Variants in SLC4A11 observed in about 807,000 individuals in gnomAD.
SLC4A11 encodes the protein bicarbonate transporter related protein 1.
SLC4A11 carries 74 observed loss-of-function variants against 95.0 expected under a neutral mutation model. The ratio of observed to expected loss-of-function variants is 0.78; its 90% CI spans 0.65 to 0.95. The LOEUF is 0.95. Ranked by LOEUF, SLC4A11 falls within the 40% of genes least tolerant of loss-of-function variation. SLC4A11 has a pLI of 0.00. For synonymous variants in SLC4A11, 548 were observed against 519.0 expected, an observed-to-expected ratio of 1.06 and a Z score of -0.76; for missense variants, 1,081 against 1,192.4, an observed-to-expected ratio of 0.91 and a Z score of 1.38.
intron 10 of SLC4A11, 31 bp from the exon 11 acceptor site, chr20:3,230,876 G>A (rs542289084): frequency 2.4e-5 from 38 of 1,612,814 alleles, no homozygotes; most frequent in East Asian, 6.7e-5. Context: ...GGTGGGCGCC[G>A]CAGCCCAGGG....
intron 13 of SLC4A11, 88 bp downstream of exon 13, chr20:3,230,099 G>T: frequency 6.8e-7 from 1 of 1,462,396 alleles, no homozygotes; most frequent in Non-Finnish European, 9.6e-7. Flanking sequence ...GCTTGAGCCA[G>T]TCCTATGTGC....
At position 3,234,656 on chromosome 20, in the gene SLC4A11, T is replaced by C; in HGVS notation, c.242-39A>G. The C allele has an allele frequency of 1.2e-6, 2 of 1,613,770 alleles. No individual in the cohort carries two copies. Among genetic ancestry groups the C allele is most frequent in the South Asian group, 1.1e-5 (1 of 91,084 alleles). ...GCGGGGAGGGCTCAGGGTGCCACCCTCTCCTCAGGTCTTTCTTAGTAAGGC... is the reference window on the plus strand; with the variant it reads ...GCGGGGAGGGCTCAGGGTGCCACCCCCTCCTCAGGTCTTTCTTAGTAAGGC... On this transcript the variant is annotated intron_variant, in intron 3 of 19. Coordinates refer to ENST00000642402, the MANE Select transcript of SLC4A11 (RefSeq NM_001174089.2). This position sits in a 1 kb window ranked among gnomAD's most constrained non-coding sequence, Gnocchi z 5.8.
rs890634264 is a variant in SLC4A11 at position 3,231,937 on chromosome 20, C to T, written c.730-389G>A. ...CCTCCCAAAGTGCTGGGATTACAGG[C>T]ACGAGCCACTGTGCCCAGATGCTGG... On this transcript the variant is annotated intron_variant, in intron 7 of 19. Coordinates refer to ENST00000642402, the MANE Select transcript of SLC4A11 (RefSeq NM_001174089.2). This position sits in a 1 kb window ranked among gnomAD's most constrained non-coding sequence, Gnocchi z 5.2. 6.6e-6 allele frequency among the ~76,000 whole-genome samples: 1 copy of T among 152,220 alleles called. No individual in the cohort carries two copies. Among genetic ancestry groups the T allele is most frequent in the Non-Finnish European group, 1.5e-5 (1 of 68,030 alleles).
At position 3,229,018 on chromosome 20, in the gene SLC4A11, C is replaced by T. The variant is rs1332394361; in HGVS notation, c.2019-7G>A. On this transcript the variant is annotated splice_polypyrimidine_tract_variant and splice_region_variant and intron_variant, in intron 16 of 19. Coordinates refer to ENST00000642402, the MANE Select transcript of SLC4A11 (RefSeq NM_001174089.2). ...GGCAGTGCCCTTCACCAGCCTGCAGCAGACGGGCACTCGTGGACAGAGCCC... is the reference window on the plus strand; with the variant it reads ...GGCAGTGCCCTTCACCAGCCTGCAGTAGACGGGCACTCGTGGACAGAGCCC... 1 of 1,612,450 alleles carries T rather than the reference C, an allele frequency of 6.2e-7. No individual in the cohort carries two copies. The highest frequency in any genetic ancestry group is 2.2e-5 in the East Asian group (1 of 44,838).
Position 3,231,139 on chromosome 20 carries a change from G to A in SLC4A11, c.1042+10C>T, listed in dbSNP as rs1236632247. 3 of 1,614,158 alleles carry A rather than the reference G, an allele frequency of 1.9e-6. No individual in the cohort carries two copies. In the South Asian group the frequency reaches 3.3e-5, roughly 18 times the overall value. On this transcript the variant is annotated intron_variant, in intron 9 of 19. Transcript: ENST00000642402. This position sits in a 1 kb window ranked among gnomAD's most constrained non-coding sequence, Gnocchi z 5.2. ...GTGGGCCCAAGGCCTGGAAAGCAGA[G>A]GCCACGTACCATCAGTGAAGTCCAA...
chr20:3,234,920 C>A lies in SLC4A11; in HGVS notation c.89-26G>T. The A allele has an allele frequency of 6.2e-7, 1 of 1,613,620 alleles. No homozygotes were observed. The highest frequency in any genetic ancestry group is 1.3e-5 in the African/African-American group (1 of 75,020). ...CTAGAGACCCCCAAGAGCAAGAGGGCCTGGCTGTTAAAGTGCCACACACAG... is the reference window on the plus strand; with the variant it reads ...CTAGAGACCCCCAAGAGCAAGAGGGACTGGCTGTTAAAGTGCCACACACAG... On this transcript the variant is annotated intron_variant, in intron 2 of 19. Coordinates refer to ENST00000642402, the MANE Select transcript of SLC4A11 (RefSeq NM_001174089.2). The surrounding 1 kb of genome is among the most constrained non-coding windows in gnomAD (Gnocchi z 5.8).
At chr20:3,237,444 C>T (rs1335484292) in intron 2 of SLC4A11, 100 bp downstream of exon 2, 6 of 1,264,934 alleles carry the variant, frequency 4.7e-6, no homozygotes, top group Non-Finnish European at 6.9e-6. Context: ...CCCAGATAGG[C>T]GAGCAAAGCC....
intron 2 of SLC4A11, among the ~76,000 whole-genome samples, chr20:3,236,990 G>A (rs2068002085): frequency 6.6e-6 from 1 of 152,114 alleles, no homozygotes; most frequent in African/African-American, 2.4e-5. Flanking sequence ...CTGGGTAAGG[G>A]AACATCAGCC....
rs1224822079 is a variant in SLC4A11 at position 3,233,655 on chromosome 20, G to T, written c.606-18C>A. On this transcript the variant is annotated intron_variant, in intron 6 of 19. Transcript: ENST00000642402. ...TGGTACAGCTGGCAGGGGCGGGGAG[G>T]ACACAGTGCACAGTTGCACCCCAGG... 6.2e-7 allele frequency: 1 copy of T among 1,610,498 alleles called. No homozygotes were observed. Among genetic ancestry groups the T allele is most frequent in the South Asian group, 1.1e-5 (1 of 91,064 alleles).
rs1035119393 is a variant in SLC4A11 at position 3,227,767 on chromosome 20, G to A, written c.*20C>T. 8 of 1,611,870 alleles carry A rather than the reference G, an allele frequency of 5.0e-6. No homozygotes were observed. The African/African-American group carries it at 6.7e-5, about 13-fold the overall frequency. On this transcript the variant is annotated 3_prime_UTR_variant, in exon 20 of 20. Coordinates refer to ENST00000642402, the MANE Select transcript of SLC4A11 (RefSeq NM_001174089.2). ...AGGACGTGGAGGGCTGGCGAATGGG[G>A]CGTGGGCAGGGTCTGCCAGTCAAGG...
Position 3,234,237 on chromosome 20 carries a change from G to A in SLC4A11, c.369C>T (p.Ile123=), listed in dbSNP as rs142035741. The change falls in exon 5 of 20, where the codon ATC becomes ATT. Residue 123 remains isoleucine, a synonymous_variant. Coordinates refer to ENST00000642402, the MANE Select transcript of SLC4A11 (RefSeq NM_001174089.2). The surrounding 1 kb of genome is among the most constrained non-coding windows in gnomAD (Gnocchi z 5.8). ...GGGAGGTGGCCGTCTCGTTCAGGAC[G>A]ATGCTGGCCTGCGCCAGGAAGCCAT... ...DLDGFLAQAS[I]VLNETATSLD... is the part of the protein sequence containing the mutation. The A allele has an allele frequency of 5.8e-5, 93 of 1,613,936 alleles. No individual in the cohort carries two copies. Among genetic ancestry groups the A allele is most frequent in the Non-Finnish European group, 7.1e-5 (84 of 1,180,012 alleles).
rs1371621085 is a variant in SLC4A11, at chr20:3,230,507, CCA to C, written c.1415+6_1415+7del. 1 of 1,613,624 alleles carries C rather than the reference CCA, an allele frequency of 6.2e-7. No individual in the cohort carries two copies. The highest frequency in any genetic ancestry group is 8.5e-7 in the Non-Finnish European group (1 of 1,180,028). On this transcript the variant is annotated splice_donor_region_variant and intron_variant, in intron 12 of 19. Coordinates refer to ENST00000642402, the MANE Select transcript of SLC4A11 (RefSeq NM_001174089.2). ...AGGGTCCCAGCAGCTCACGGAAGGGCCAGTCACCTCTTGAAGAGACTCATGAC... is the reference window on the plus strand; with the variant it reads ...AGGGTCCCAGCAGCTCACGGAAGGGCGTCACCTCTTGAAGAGACTCATGAC...
chr20:3,230,881 C>T, intron 10 of SLC4A11, 36 bp from the exon 11 acceptor site: 2 of 1,612,986 alleles, frequency 1.2e-6, no homozygotes, highest in African/African-American at 2.7e-5. Flanking sequence ...GCGCCGCAGC[C>T]CAGGGCCCAG....
Position 3,234,945 on chromosome 20 carries a change from G to A in SLC4A11, c.89-51C>T. On this transcript the variant is annotated intron_variant, in intron 2 of 19. Transcript: ENST00000642402. The surrounding 1 kb of genome is among the most constrained non-coding windows in gnomAD (Gnocchi z 5.8). ...CCTGGCTGTTAAAGTGCCACACACA[G>A]GAAGGAGGGGCTCCAAGCCCAGGGA... The A allele has an allele frequency of 6.2e-7, 1 of 1,610,436 alleles. No homozygotes were observed. Among genetic ancestry groups the A allele is most frequent in the Non-Finnish European group, 8.5e-7 (1 of 1,177,466 alleles).
chr20:3,234,418 CCAGCCCCCAGCCCT>C lies in SLC4A11; in HGVS notation c.292-118_292-105del. ...GCCGCAGCAGTCCAGCCCCCAGCCC[CCAGCCCCCAGCCCT>C]GGGCTGGTGCGAGCTCCCTGTTGAG... On this transcript the variant is annotated intron_variant, in intron 4 of 19. Transcript: ENST00000642402. This position sits in a 1 kb window ranked among gnomAD's most constrained non-coding sequence, Gnocchi z 5.8. 6.7e-7 allele frequency: 1 copy of C among 1,501,070 alleles called. No homozygotes were observed. The highest frequency in any genetic ancestry group is 9.2e-7 in the Non-Finnish European group (1 of 1,086,332). 93.0% of individuals were successfully genotyped at this position (1,501,070 alleles called of 1,614,324 possible).
chr20:3,233,717 TGACCCCTGGC>T (rs1489894977), intron 6 of SLC4A11, 80 bp from the exon 7 acceptor site: 1 of 1,595,628 alleles, frequency 6.3e-7, no homozygotes, highest in Non-Finnish European at 8.5e-7. Flanking sequence ...CCCTCGACCT[TGACCCCTGGC>T]GACCTCTGCT....
intron 2 of SLC4A11, among the ~76,000 whole-genome samples, chr20:3,235,309 TCACA>T (rs58744452): frequency 0.23 from 27,641 of 122,630 alleles, 2,899 homozygotes; most frequent in Middle Eastern, 0.24. Flanking sequence ...TCTCTCTCTC[TCACA>T]CACACACACA....
At position 3,229,749 on chromosome 20, in the gene SLC4A11, T is replaced by C; in HGVS notation, c.1517A>G (p.Tyr506Cys). 2 of 1,613,942 alleles carry C rather than the reference T, an allele frequency of 1.2e-6. No individual in the cohort carries two copies. The highest frequency in any genetic ancestry group is 1.1e-5 in the South Asian group (1 of 91,086). The change falls in exon 14 of 20, where the codon TAC becomes TGC. Residue 506 changes from tyrosine to cysteine, a missense_variant. By Grantham distance (194) the Tyr-to-Cys change is radical. Coordinates refer to ENST00000642402, the MANE Select transcript of SLC4A11 (RefSeq NM_001174089.2). ...KIFWKYYYGH[Y>C]LDDYHTKRTS... ...CCTTTTTGTGTGATAGTCGTCCAAG[T>C]AATGCCCATAGTAGTACTTCCAGAA... is the stretch of plus-strand genomic sequence containing the variant.
chr20:3,237,362 G>A (rs1196643918), intron 2 of SLC4A11, among the ~76,000 whole-genome samples, 182 bp downstream of exon 2: 1 of 148,198 alleles, frequency 6.7e-6, no homozygotes, highest in African/African-American at 2.4e-5. Flanking sequence ...TGCCCTCTCA[G>A]GTCCACGGGG....
Sources: gnomAD v4.1 joint callset for allele counts (sites outside exome capture counted in the v4.1 genomes callset) on GRCh38, gnomAD v4.1.1 for gene constraint, Gnocchi (gnomAD v3.1) non-coding constraint, MANE v1.5 for transcripts, NCBI Gene and HGNC (gene_info 2026-07-23, HGNC 2026-07-21) for gene names.